Variants in RP1 observed in about 807,000 individuals in gnomAD.
RP1 encodes RP1 axonemal microtubule associated, also known as oxygen-regulated protein 1.
Under a neutral mutation model 14.8 loss-of-function variants are expected in RP1, and 16 were observed. The observed-to-expected ratio is 1.08, with a 90% confidence interval of 0.73 to 1.65. The LOEUF (loss-of-function observed/expected upper bound fraction) is 1.65. RP1 is among the 40% of genes most tolerant of loss of function. RP1 has a pLI of 0.00. For missense variants in RP1, 2,631 were observed against 2,535.0 expected, an observed-to-expected ratio of 1.04 and a Z score of -0.81; for synonymous variants, 876 against 883.6, an observed-to-expected ratio of 0.99 and a Z score of 0.15.
exon 1 of RP1, chr8:54,559,225 A>G (rs898822095): frequency 2.0e-5 from 3 of 152,218 alleles, no homozygotes; most frequent in African/African-American, 7.2e-5. Context: ...ACCAGACTTC[A>G]GCCTCTTCAC....
At chr8:54,793,509 A>G (rs1369386497) in intron 24 of RP1, among the ~76,000 whole-genome samples, 1 of 151,946 alleles carries the variant, frequency 6.6e-6, no homozygotes, top group African/African-American at 2.4e-5. Context: ...CCTGGAGTGC[A>G]AGGATGGTTC....
Position 54,620,861 on chromosome 8 carries a change from C to T in RP1, c.-12-94C>T, listed in dbSNP as rs16920613. 18,248 of 1,195,972 alleles carry T rather than the reference C, an allele frequency of 0.015. 1,577 individuals carry two copies. In the African/African-American group the frequency reaches 0.21, roughly 14 times the overall value. 74.1% of individuals were successfully genotyped at this position (1,195,972 alleles called of 1,614,324 possible). Reference sequence around the variant, plus strand: ...TGAAAGAATAAACTTCTGTGAATATCCTGGATGTCTGCAGCTATATTTAGC... The same window carrying T: ...TGAAAGAATAAACTTCTGTGAATATTCTGGATGTCTGCAGCTATATTTAGC... On this transcript the variant is annotated intron_variant, in intron 1 of 3. Transcript: ENST00000220676.
At position 54,610,311 on chromosome 8, in the gene RP1, G is replaced by A. The variant is rs551502495; in HGVS notation, c.-12-10644G>A. ...ACTCCTTTGCTGGAGTTTGCTGATGGTTCCTCACCGTCTCTGTGGCTGCTA... is the reference window on the plus strand; with the variant it reads ...ACTCCTTTGCTGGAGTTTGCTGATGATTCCTCACCGTCTCTGTGGCTGCTA... On this transcript the variant is annotated intron_variant, in intron 1 of 22. Coordinates refer to the RP1 transcript ENST00000636932. 2.0e-5 allele frequency among the ~76,000 whole-genome samples: 3 copies of A among 152,132 alleles called. No homozygotes were observed. In the South Asian group the frequency reaches 6.3e-4, roughly 32 times the overall value.
chr8:54,855,145 A>G (rs1322655667), intron 26 of RP1, among the ~76,000 whole-genome samples: 6 of 152,176 alleles, frequency 3.9e-5, no homozygotes, highest in African/African-American at 1.4e-4. Flanking sequence ...TACCTCATAT[A>G]AGTGGAATCA....
At chr8:54,867,465 G>A (rs772524753) in intron 28 of RP1, among the ~76,000 whole-genome samples, 1 of 152,142 alleles carries the variant, frequency 6.6e-6, no homozygotes, top group Non-Finnish European at 1.5e-5. Flanking sequence ...TTTAGCACCA[G>A]ATTTGGATTA....
At chr8:54,870,785 G>A (rs1284463573) in exon 29 of RP1, 3 of 152,088 alleles carry the variant, frequency 2.0e-5, no homozygotes, top group East Asian at 1.9e-4. Flanking sequence ...TGCCCCGTGA[G>A]GTAGATGCTA....
At chr8:54,692,260 A>G (rs1010764632) in intron 12 of RP1, among the ~76,000 whole-genome samples, 5 of 150,758 alleles carry the variant, frequency 3.3e-5, no homozygotes, top group Admixed American at 2.0e-4. Context: ...TATTGTGAAT[A>G]GTGCAACAAT....
intron 24 of RP1, among the ~76,000 whole-genome samples, chr8:54,798,361 T>A (rs1004610355): frequency 2.0e-5 from 3 of 152,052 alleles, no homozygotes; most frequent in Non-Finnish European, 4.4e-5. Flanking sequence ...TTTCTATGAG[T>A]GGAATTTCAT....
chr8:54,726,401 A>T, exon 17 of RP1: 1 of 1,534,622 alleles, frequency 6.5e-7, no homozygotes. Flanking sequence ...AGAAGAAAAG[A>T]TCCATGAGTC....
chr8:54,849,177 C>T (rs900088874), intron 25 of RP1, among the ~76,000 whole-genome samples: 1 of 152,098 alleles, frequency 6.6e-6, no homozygotes, highest in African/African-American at 2.4e-5. Context: ...GGAATGCCAA[C>T]ACCTGGAACT....
intron 24 of RP1, among the ~76,000 whole-genome samples, chr8:54,786,842 C>T (rs922987970): frequency 6.6e-6 from 1 of 152,046 alleles, no homozygotes; most frequent in Non-Finnish European, 1.5e-5. Flanking sequence ...TAAGAACTGG[C>T]CCAATATAAA....
chr8:54,667,375 C>T (rs1807042739), intron 7 of RP1, among the ~76,000 whole-genome samples: 1 of 152,112 alleles, frequency 6.6e-6, no homozygotes, highest in Admixed American at 6.6e-5. Context: ...TCTCCCCTAA[C>T]TTGGAGCCAT....
intron 19 of RP1, among the ~76,000 whole-genome samples, chr8:54,750,235 A>G (rs1809323943): frequency 1.3e-5 from 2 of 152,216 alleles, no homozygotes; most frequent in South Asian, 4.1e-4. Flanking sequence ...TATTATTACT[A>G]AAAACAATAA....
At chr8:54,847,553 G>A (rs991509506) in intron 25 of RP1, among the ~76,000 whole-genome samples, 5 of 152,300 alleles carry the variant, frequency 3.3e-5, no homozygotes, top group African/African-American at 4.8e-5. Context: ...TAGATTGTGC[G>A]ATCTTTCCAC....
chr8:54,851,038 C>T (rs1328963498), intron 25 of RP1, among the ~76,000 whole-genome samples: 2 of 152,058 alleles, frequency 1.3e-5, no homozygotes, highest in African/African-American at 4.8e-5. Context: ...ATTTAGATGG[C>T]AAGTACACGT....
At chr8:54,777,786 CATTTAAATAT>C (rs1281103100) in intron 23 of RP1, among the ~76,000 whole-genome samples, 4 of 152,088 alleles carry the variant, frequency 2.6e-5, no homozygotes, top group Admixed American at 2.0e-4. Context: ...TGCTAAATCT[CATTTAAATAT>C]ATTTACATGA....
chr8:54,690,791 C>T (rs1011620414), intron 12 of RP1, among the ~76,000 whole-genome samples: 4 of 152,016 alleles, frequency 2.6e-5, no homozygotes, highest in African/African-American at 7.2e-5. Context: ...AGAGATCTAA[C>T]GTTAGTTTCA....
intron 6 of RP1, among the ~76,000 whole-genome samples, chr8:54,662,705 G>A (rs1447102766): frequency 6.6e-6 from 1 of 152,130 alleles, no homozygotes; most frequent in Non-Finnish European, 1.5e-5. Context: ...GGTCTCTGGT[G>A]CATTGAATCC....
intron 17 of RP1, among the ~76,000 whole-genome samples, chr8:54,728,101 C>A (rs1410021935): frequency 2.0e-5 from 3 of 151,974 alleles, no homozygotes; most frequent in Non-Finnish European, 2.9e-5. Context: ...TATAAAATGC[C>A]CATGATATGG....
Sources: gnomAD v4.1 joint callset for allele counts (sites outside exome capture counted in the v4.1 genomes callset) on GRCh38, gnomAD v4.1.1 for gene constraint, MANE v1.5 for transcripts, NCBI Gene and HGNC (gene_info 2026-07-23, HGNC 2026-07-21) for gene names.